Variants in EIF4G3 observed in about 807,000 individuals in gnomAD.
EIF4G3 encodes the protein eukaryotic translation initiation factor 4 gamma 3.
Under a neutral mutation model 186.4 loss-of-function variants are expected in EIF4G3, and 34 were observed. The observed-to-expected ratio is 0.18, with a 90% CI of 0.14 to 0.24. The LOEUF is 0.24. EIF4G3 is among the 10% of genes least tolerant of loss of function. The pLI is 1.00. For missense variants in EIF4G3, 1,536 were observed against 1,948.5 expected (o/e 0.79, Z 3.99); for synonymous variants, 673 against 679.5 (o/e 0.99, Z 0.15).
chr1:21,056,282 G>A lies in EIF4G3; in HGVS notation c.-195-5288C>T, dbSNP rs1235453885. ...ATAAGTCTGTATCAAAATAATAGAAGAACTAGAATTTCTAAGAAATTCTTC... is the reference window on the plus strand; with the variant it reads ...ATAAGTCTGTATCAAAATAATAGAAAAACTAGAATTTCTAAGAAATTCTTC... On this transcript the variant is annotated intron_variant, in intron 3 of 36. Coordinates refer to ENST00000602326, the MANE Select transcript of EIF4G3 (RefSeq NM_001391906.1). 2.0e-5 allele frequency among the ~76,000 whole-genome samples: 3 copies of A among 152,032 alleles called. No homozygotes were observed. The South Asian group carries it at 6.2e-4, about 31-fold the overall frequency.
At chr1:20,980,628 A>T (rs1170037454) in intron 9 of EIF4G3, among the ~76,000 whole-genome samples, 180 bp from the exon 10 acceptor site, 3 of 152,230 alleles carry the variant, frequency 2.0e-5, no homozygotes, top group Non-Finnish European at 4.4e-5. Context: ...CCATCAAGAT[A>T]CAATGAGAAT....
chr1:21,087,638 A>AT (rs758934486), intron 3 of EIF4G3, among the ~76,000 whole-genome samples: 1,008 of 96,030 alleles, frequency 0.01, 8 homozygotes, highest in Middle Eastern at 0.033. Context: ...ACCAAAAAAA[A>AT]TTTTTTTTTT....
chr1:20,915,041 T>G (rs1218873729), intron 14 of EIF4G3, among the ~76,000 whole-genome samples: 2 of 152,242 alleles, frequency 1.3e-5, no homozygotes, highest in African/African-American at 4.8e-5. Flanking sequence ...TTTGAATATG[T>G]GAAATACAGT....
rs2085356673 is a variant in EIF4G3, at chr1:20,889,683, G to T, written c.2254-3312C>A. Reference sequence around the variant, plus strand: ...TTTTTTGTATTTTTAGTGGAGACGGGGTTTCACCGTGTTAGCCAGGATGGT... The same window carrying T: ...TTTTTTGTATTTTTAGTGGAGACGGTGTTTCACCGTGTTAGCCAGGATGGT... On this transcript the variant is annotated intron_variant, in intron 18 of 36. Coordinates refer to ENST00000602326, the MANE Select transcript of EIF4G3 (RefSeq NM_001391906.1). Among the ~76,000 whole-genome samples, 5 of 151,952 alleles carry T rather than the reference G, an allele frequency of 3.3e-5. No homozygotes were observed. In the South Asian group the frequency reaches 1.0e-3, roughly 32 times the overall value.
intron 12 of EIF4G3, among the ~76,000 whole-genome samples, chr1:20,966,354 G>C (rs1314498410): frequency 6.6e-6 from 1 of 152,050 alleles, no homozygotes; most frequent in Non-Finnish European, 1.5e-5. Flanking sequence ...TAAATCTAAT[G>C]AGTCTTCTTT....
At chr1:21,156,060 G>C (rs2097653804) in intron 2 of EIF4G3, among the ~76,000 whole-genome samples, 1 of 151,320 alleles carries the variant, frequency 6.6e-6, no homozygotes, top group African/African-American at 2.4e-5. Flanking sequence ...CCTGAGGGCA[G>C]AGGCTGCAGC....
At chr1:21,036,852 A>G (rs1411951020) in intron 4 of EIF4G3, among the ~76,000 whole-genome samples, 2 of 152,170 alleles carry the variant, frequency 1.3e-5, no homozygotes, top group Non-Finnish European at 2.9e-5. Flanking sequence ...CTGCACTCCA[A>G]CCTAGAGACA....
intron 3 of EIF4G3, among the ~76,000 whole-genome samples, chr1:21,079,610 A>T (rs1459548328): frequency 2.6e-5 from 4 of 151,642 alleles, no homozygotes; most frequent in Admixed American, 2.6e-4. Flanking sequence ...CTTGAGCCTA[A>T]AAGGTTGAGG....
At chr1:21,168,414 A>T (rs891791680) in intron 2 of EIF4G3, among the ~76,000 whole-genome samples, 1 of 150,922 alleles carries the variant, frequency 6.6e-6, no homozygotes, top group Non-Finnish European at 1.5e-5. Context: ...AATTTTTTAA[A>T]AAAAAAAAGT....
At chr1:21,087,022 A>ATGTG (rs2096007520) in intron 3 of EIF4G3, among the ~76,000 whole-genome samples, 1 of 151,850 alleles carries the variant, frequency 6.6e-6, no homozygotes, top group Non-Finnish European at 1.5e-5. Context: ...ATGTATATGT[A>ATGTG]ACTCTTGAAA....
chr1:21,005,854 A>C (rs1240475961), intron 4 of EIF4G3, among the ~76,000 whole-genome samples: 1 of 152,216 alleles, frequency 6.6e-6, no homozygotes, highest in Non-Finnish European at 1.5e-5. Context: ...AGACTTAAAA[A>C]ATAAAAATCT....
chr1:20,895,482 A>T lies in EIF4G3; in HGVS notation c.2019T>A (p.Asp673Glu). 1 of 1,614,050 alleles carries T rather than the reference A, an allele frequency of 6.2e-7. No homozygotes were observed. Among genetic ancestry groups the T allele is most frequent in the Non-Finnish European group, 8.5e-7 (1 of 1,179,938 alleles). Reference sequence around the variant, plus strand: ...TGTCATACTGCTTCTTACCTTCAGTATCAGTAGGCTTCCAGGATTCTAGAA... The same window carrying T: ...TGTCATACTGCTTCTTACCTTCAGTTTCAGTAGGCTTCCAGGATTCTAGAA... ...PFKPESWKPTDTEGKKQYDRE... is the reference protein window; with the variant it reads ...PFKPESWKPTETEGKKQYDRE... The change falls in exon 17 of 37, where the codon GAT becomes GAA. Residue 673 changes from aspartate to glutamate, a missense_variant. Around this residue, in one of 11 missense-constraint regions of EIF4G3, gnomAD observed 560 missense variants for 547.8 expected, o/e 1.02. Transcript: ENST00000602326.
chr1:20,900,286 CCTTGCCAT>C (rs1419789776), intron 15 of EIF4G3, among the ~76,000 whole-genome samples: 1 of 152,028 alleles, frequency 6.6e-6, no homozygotes, highest in African/African-American at 2.4e-5. Context: ...ACTACACTAC[CCTTGCCAT>C]TAAAGCTCAA....
At chr1:20,955,595 C>A (rs142149090) in intron 12 of EIF4G3, among the ~76,000 whole-genome samples, 1,792 of 152,128 alleles carry the variant, frequency 0.012, 23 homozygotes, top group African/African-American at 0.035. Flanking sequence ...AAGGAAACAG[C>A]AGTTACAAGA....
At chr1:21,015,759 A>AG (rs1245782219) in intron 4 of EIF4G3, among the ~76,000 whole-genome samples, 4 of 151,296 alleles carry the variant, frequency 2.6e-5, no homozygotes, top group East Asian at 3.9e-4. Flanking sequence ...AAGGAAAGAA[A>AG]AAAAAAAAAA....
At chr1:20,914,175 G>A (rs2093611476) in intron 14 of EIF4G3, among the ~76,000 whole-genome samples, 1 of 151,828 alleles carries the variant, frequency 6.6e-6, no homozygotes, top group African/African-American at 2.4e-5. Context: ...TGCTTTAGCA[G>A]TGTGGTAGGC....
chr1:21,117,231 C>G (rs1042770887), intron 2 of EIF4G3, among the ~76,000 whole-genome samples: 2 of 152,044 alleles, frequency 1.3e-5, no homozygotes, highest in African/African-American at 4.8e-5. Flanking sequence ...TCCTTTTCAT[C>G]TTATCTAACA....
At chr1:20,952,134 T>A (rs1489397807) in intron 12 of EIF4G3, among the ~76,000 whole-genome samples, 2 of 149,958 alleles carry the variant, frequency 1.3e-5, no homozygotes, top group African/African-American at 4.9e-5. Context: ...AATCATAACG[T>A]ATTAACATAT....
chr1:21,023,651 C>T (rs1443099878), intron 4 of EIF4G3, among the ~76,000 whole-genome samples: 1 of 151,976 alleles, frequency 6.6e-6, no homozygotes, highest in Non-Finnish European at 1.5e-5. Context: ...CCCAAAGTGC[C>T]GAGATTGCAG....
Sources: gnomAD v4.1 joint callset for allele counts (sites outside exome capture counted in the v4.1 genomes callset) on GRCh38, gnomAD v4.1.1 for gene constraint, gnomAD v4.1.1 regional missense constraint, MANE v1.5 for transcripts, NCBI Gene and HGNC (gene_info 2026-07-23, HGNC 2026-07-21) for gene names.